The following JAK1 variants were observed in gnomAD, a reference collection of about 807,000 sequenced individuals.
JAK1 encodes the protein tyrosine-protein kinase JAK1.
A neutral mutation model predicts 136.6 loss-of-function variants in JAK1; 16 were observed. The ratio of observed to expected loss-of-function variants is 0.12; its 90% CI spans 0.08 to 0.18. The LOEUF is 0.18. Ranked by LOEUF, JAK1 falls within the 10% of genes least tolerant of loss-of-function variation. The probability of loss-of-function intolerance (pLI) is 1.00; values close to 1 mark genes in which losing one functional copy is unlikely to be tolerated. For missense variants in JAK1, 859 were observed against 1,450.1 expected (o/e 0.59, Z 6.62); for synonymous variants, 492 against 519.5 (o/e 0.95, Z 0.72).
In JAK1 at chr1:64,836,613, G is replaced by T. The variant is rs532434476; in HGVS notation, c.3141-398C>A. Among the ~76,000 whole-genome samples, 9 of 152,186 alleles carry T rather than the reference G, an allele frequency of 5.9e-5. No individual in the cohort carries two copies. In the South Asian group the frequency reaches 1.9e-3, roughly 32 times the overall value. The stretch of plus-strand genomic sequence containing the variant: ...CGCTGTCCAATCCTCTTCCAGCATT[G>T]CCTACTTTGCTGAATGACACCCACT... On this transcript the variant is annotated intron_variant, in intron 22 of 24. Transcript: ENST00000342505.
At chr1:65,002,995 C>G (rs1646774438) in intron 2 of JAK1, among the ~76,000 whole-genome samples, 1 of 147,770 alleles carries the variant, frequency 6.8e-6, no homozygotes, top group Non-Finnish European at 1.5e-5. Context: ...GCGCCTCGCA[C>G]GGCGTGAGAC....
At chr1:64,849,473 G>C (rs1557631402) in intron 12 of JAK1, among the ~76,000 whole-genome samples, 1 of 152,242 alleles carries the variant, frequency 6.6e-6, no homozygotes, top group Non-Finnish European at 1.5e-5. Context: ...TGGGACGACA[G>C]GTGTGAGCCA....
chr1:64,845,582 T>G lies in JAK1; in HGVS notation c.2046A>C (p.Lys682Asn). The G allele has an allele frequency of 6.2e-7, 1 of 1,614,146 alleles. No homozygotes were observed. The highest frequency in any genetic ancestry group is 1.1e-5 in the South Asian group (1 of 91,074). ...TCCATGGTGTGGTAAGGACATCGCT[T>G]TTCCGGTGCATGAAGAGATCCAGAG... is the stretch of plus-strand genomic sequence containing the variant. ...GGPLDLFMHRKSDVLTTPWKF... is the reference protein window; with the variant it reads ...GGPLDLFMHRNSDVLTTPWKF... The change falls in exon 15 of 25, where the codon AAA (lysine) becomes AAC (asparagine). Residue 682 changes from lysine to asparagine, a missense_variant. Lys to Asn is a moderately conservative substitution (Grantham distance 94). Transcript: ENST00000342505.
At chr1:64,888,856 G>A (rs538011090) in intron 1 of JAK1, among the ~76,000 whole-genome samples, 26 of 152,158 alleles carry the variant, frequency 1.7e-4, no homozygotes, top group South Asian at 6.2e-4. Context: ...TTTGAATGCC[G>A]ATTCAATAAC....
chr1:64,878,013 T>C (rs77041261), intron 4 of JAK1, among the ~76,000 whole-genome samples: 2 of 152,236 alleles, frequency 1.3e-5, no homozygotes, highest in South Asian at 2.1e-4. Flanking sequence ...CCAGTCATTG[T>C]GTAATGGTGA....
At chr1:64,866,689 A>G (rs1656724877) in intron 7 of JAK1, among the ~76,000 whole-genome samples, 177 bp downstream of exon 7, 1 of 152,218 alleles carries the variant, frequency 6.6e-6, no homozygotes, top group African/African-American at 2.4e-5. Flanking sequence ...CTCAATAAAT[A>G]CTTATTTAGA....
intron 1 of JAK1, among the ~76,000 whole-genome samples, chr1:64,946,000 G>A (rs1472437911): frequency 6.6e-6 from 1 of 152,134 alleles, no homozygotes; most frequent in Non-Finnish European, 1.5e-5. Context: ...GCCTTCCAGT[G>A]TGCTGGGATT....
At chr1:64,905,279 A>T (rs919699889) in intron 1 of JAK1, among the ~76,000 whole-genome samples, 64 of 152,198 alleles carry the variant, frequency 4.2e-4, no homozygotes, top group African/African-American at 1.4e-3. Flanking sequence ...GACTGAGATG[A>T]AACAAGTTCA....
intron 3 of JAK1, 79 bp downstream of exon 3, chr1:64,883,198 A>G: frequency 8.3e-7 from 1 of 1,212,078 alleles, no homozygotes; most frequent in Non-Finnish European, 1.1e-6. Context: ...CAGCAGCGCT[A>G]CAAGGGGCAG....
chr1:64,899,220 T>TATA (rs1356089889), intron 1 of JAK1, among the ~76,000 whole-genome samples: 6 of 152,162 alleles, frequency 3.9e-5, no homozygotes, highest in Non-Finnish European at 2.9e-5. Flanking sequence ...TCTAAGTCAT[T>TATA]AGACAGCAAA....
At chr1:64,916,323 C>T (rs1645394664) in intron 1 of JAK1, among the ~76,000 whole-genome samples, 1 of 151,990 alleles carries the variant, frequency 6.6e-6, no homozygotes, top group South Asian at 2.1e-4. Context: ...AAAAAAGGAG[C>T]TCTCGAATAT....
chr1:64,848,590 T>C (rs1447963508), intron 12 of JAK1, among the ~76,000 whole-genome samples: 1 of 152,174 alleles, frequency 6.6e-6, no homozygotes, highest in Non-Finnish European at 1.5e-5. Context: ...GCCCTAGCCA[T>C]ACCATGATCT....
At chr1:64,895,915 G>C (rs1036102911) in intron 1 of JAK1, among the ~76,000 whole-genome samples, 2 of 152,170 alleles carry the variant, frequency 1.3e-5, no homozygotes, top group Non-Finnish European at 2.9e-5. Context: ...TGTGTACCTT[G>C]CAACTGTGCA....
At chr1:64,885,975 C>CA (rs1323173200) in intron 2 of JAK1, among the ~76,000 whole-genome samples, 2 of 152,136 alleles carry the variant, frequency 1.3e-5, no homozygotes, top group African/African-American at 4.8e-5. Flanking sequence ...TATGATTATG[C>CA]ACATGCATAT....
intron 2 of JAK1, among the ~76,000 whole-genome samples, chr1:65,029,032 G>C (rs1051707045): frequency 5.9e-5 from 9 of 152,114 alleles, no homozygotes; most frequent in Non-Finnish European, 1.2e-4. Flanking sequence ...CAGGGGTCAA[G>C]GCTCAATATC....
intron 1 of JAK1, among the ~76,000 whole-genome samples, chr1:65,045,087 C>T (rs1203370224): frequency 6.6e-6 from 1 of 152,228 alleles, no homozygotes; most frequent in East Asian, 1.9e-4. Flanking sequence ...CCACGGTCCT[C>T]GGTCAGCACC....
chr1:64,986,878 A>AC (rs1336768576), intron 2 of JAK1, among the ~76,000 whole-genome samples: 1 of 151,238 alleles, frequency 6.6e-6, no homozygotes, highest in Non-Finnish European at 1.5e-5. Flanking sequence ...CCCAACAGCC[A>AC]CCCCCCACCC....
chr1:64,928,799 A>AC (rs1170403920), intron 1 of JAK1, among the ~76,000 whole-genome samples: 2 of 85,038 alleles, frequency 2.4e-5, no homozygotes, highest in Admixed American at 1.0e-4. Context: ...AAAAAAAACA[A>AC]AAAAAAAAAA....
intron 2 of JAK1, among the ~76,000 whole-genome samples, chr1:65,020,342 CATCACCAATCCACATT>C (rs1489099395): frequency 1.3e-5 from 2 of 151,868 alleles, no homozygotes; most frequent in African/African-American, 4.8e-5. Context: ...TGAGAACTCT[CATCACCAATCCACATT>C]ATCACCAAAA....
Sources: allele counts gnomAD v4.1 joint callset (sites outside exome capture counted in the v4.1 genomes callset), GRCh38; gene constraint gnomAD v4.1.1; transcripts MANE v1.5; gene names NCBI Gene and HGNC (gene_info 2026-07-23, HGNC 2026-07-21).